The following ZCCHC24 variants were observed in gnomAD, a reference collection of about 807,000 sequenced individuals.
The protein encoded by ZCCHC24 is zinc finger CCHC domain-containing protein 24.
A neutral mutation model predicts 26.2 loss-of-function variants in ZCCHC24; 10 were observed. The ratio of observed to expected loss-of-function variants is 0.38; its 90% CI spans 0.24 to 0.65. The LOEUF is 0.65. Among genes scored for constraint, ZCCHC24 ranks in the 30% least tolerant of loss-of-function variants. ZCCHC24 has a pLI of 0.54. For missense variants in ZCCHC24, 243 were observed against 329.1 expected, an observed-to-expected ratio of 0.74 and a Z score of 2.03; for synonymous variants, 144 against 147.1, an observed-to-expected ratio of 0.98 and a Z score of 0.15.
At chr10:79,404,722 C>T (rs1289745268) in intron 2 of ZCCHC24, among the ~76,000 whole-genome samples, 1 of 152,190 alleles carries the variant, frequency 6.6e-6, no homozygotes, top group Non-Finnish European at 1.5e-5. Context: ...GCAGAATCTC[C>T]CCAAATACTT....
intron 3 of ZCCHC24, among the ~76,000 whole-genome samples, chr10:79,390,956 C>G (rs541872620): frequency 3.5e-4 from 53 of 152,176 alleles, no homozygotes; most frequent in Non-Finnish European, 6.5e-4. Flanking sequence ...CAAAGGCTCC[C>G]GACAGCTGGG....
intron 1 of ZCCHC24, among the ~76,000 whole-genome samples, chr10:79,442,598 A>G (rs1367440895): frequency 6.6e-6 from 1 of 152,196 alleles, no homozygotes; most frequent in Non-Finnish European, 1.5e-5. Context: ...CATGCAAGTC[A>G]CATCCGCAGG....
intron 2 of ZCCHC24, among the ~76,000 whole-genome samples, chr10:79,414,324 T>C (rs1213894601): frequency 2.0e-5 from 3 of 152,258 alleles, no homozygotes; most frequent in African/African-American, 7.2e-5. Context: ...ATCTTCATTT[T>C]AGAGAAGAAT....
intron 2 of ZCCHC24, among the ~76,000 whole-genome samples, chr10:79,419,938 A>C (rs1004076695): frequency 3.3e-5 from 5 of 151,970 alleles, no homozygotes; most frequent in African/African-American, 4.8e-5. Flanking sequence ...ATTCTTCTAA[A>C]AGCAGAACTG....
intron 2 of ZCCHC24, among the ~76,000 whole-genome samples, chr10:79,431,705 C>T (rs1343908431): frequency 6.6e-6 from 1 of 152,172 alleles, no homozygotes; most frequent in African/African-American, 2.4e-5. Flanking sequence ...GAGGGGAACA[C>T]TACATGCATT....
At chr10:79,414,174 GGCCAACT>G (rs1481857198) in intron 2 of ZCCHC24, among the ~76,000 whole-genome samples, 1 of 152,214 alleles carries the variant, frequency 6.6e-6, no homozygotes, top group East Asian at 1.9e-4. Context: ...AAGCCTTGGC[GGCCAACT>G]GCCCAGATGG....
At chr10:79,386,574 G>C in intron 3 of ZCCHC24, 116 bp from the exon 4 acceptor site, 3 of 741,484 alleles carry the variant, frequency 4.0e-6, no homozygotes, top group Admixed American at 5.5e-5. Flanking sequence ...ACACAGGGAG[G>C]GGACCAGACA....
At position 79,383,222 on chromosome 10, in the gene ZCCHC24, A is replaced by T. The variant is rs1856345678; in HGVS notation, c.*3123T>A. On this transcript the variant is annotated 3_prime_UTR_variant, in exon 4 of 4. Transcript: ENST00000372336. ...ATTAATAAGTCTAAACACTTGAATAATATGCTGTCTACTTAATACTGATAT... is the reference window on the plus strand; with the variant it reads ...ATTAATAAGTCTAAACACTTGAATATTATGCTGTCTACTTAATACTGATAT... The T allele has an allele frequency of 6.5e-6, 1 of 152,796 alleles. No individual in the cohort carries two copies. Among genetic ancestry groups the T allele is most frequent in the Non-Finnish European group, 1.5e-5 (1 of 68,042 alleles). The allele number at this position is 152,796 out of a possible 1,614,324, so 9.5% of individuals were successfully genotyped here.
chr10:79,405,981 A>G (rs10740505), intron 2 of ZCCHC24, among the ~76,000 whole-genome samples: 127,284 of 152,240 alleles, frequency 0.84, 53,291 homozygotes, highest in East Asian at 0.92. Flanking sequence ...TCTCTCTGGG[A>G]TTCGATCTCC....
chr10:79,388,542 G>A (rs1238567252), intron 3 of ZCCHC24, among the ~76,000 whole-genome samples: 1 of 152,168 alleles, frequency 6.6e-6, no homozygotes, highest in Non-Finnish European at 1.5e-5. Context: ...GACTCTGCTT[G>A]GCTCCCAAAG....
intron 3 of ZCCHC24, among the ~76,000 whole-genome samples, chr10:79,393,028 C>G (rs1267959396): frequency 6.6e-6 from 1 of 152,186 alleles, no homozygotes; most frequent in Non-Finnish European, 1.5e-5. Context: ...CTCCACACCC[C>G]CTGGTTCTCC....
rs1242189062 is a variant in ZCCHC24, at chr10:79,384,754, G to C, written c.*1591C>G. 1 of 152,538 alleles carries C rather than the reference G, an allele frequency of 6.6e-6. No individual in the cohort carries two copies. The highest frequency in any genetic ancestry group is 1.5e-5 in the Non-Finnish European group (1 of 68,048). 9.4% of individuals were successfully genotyped at this position (152,538 alleles called of 1,614,324 possible). ...TTCATTTGAATACAAAAGGCAACTG[G>C]ACACCAGATGGGCATCCTTGAGCCA... On this transcript the variant is annotated 3_prime_UTR_variant, in exon 4 of 4. Coordinates refer to ENST00000372336, the MANE Select transcript of ZCCHC24 (RefSeq NM_153367.4).
intron 2 of ZCCHC24, among the ~76,000 whole-genome samples, chr10:79,418,658 C>T (rs903869679): frequency 7.2e-5 from 11 of 152,212 alleles, no homozygotes; most frequent in Non-Finnish European, 1.3e-4. Context: ...AGAGGTCAAA[C>T]GGCCCAGGCT....
In ZCCHC24 at chr10:79,386,335, G is replaced by A. The variant is rs74319619; in HGVS notation, c.*10C>T. 0.028 allele frequency: 45,256 copies of A among 1,610,842 alleles called. 1,069 individuals carry two copies. The highest frequency in any genetic ancestry group is 0.1 in the East Asian group (4,693 of 44,768). ...GCGGGGGGTGGCTCTGGGTGCGGGC[G>A]GGCAGCCCGTCACTGCACGCGACGG... On this transcript the variant is annotated 3_prime_UTR_variant, in exon 4 of 4. Transcript: ENST00000372336.
At chr10:79,407,919 G>A (rs1179222326) in intron 2 of ZCCHC24, among the ~76,000 whole-genome samples, 1 of 152,148 alleles carries the variant, frequency 6.6e-6, no homozygotes. Flanking sequence ...ACTGGGGAGG[G>A]CTGGCCTGGC....
At chr10:79,416,193 T>A (rs1856857337) in intron 2 of ZCCHC24, among the ~76,000 whole-genome samples, 1 of 152,224 alleles carries the variant, frequency 6.6e-6, no homozygotes, top group East Asian at 1.9e-4. Flanking sequence ...TCATAAGACC[T>A]ACACGGCAGC....
At chr10:79,412,586 G>A (rs1221434028) in intron 2 of ZCCHC24, among the ~76,000 whole-genome samples, 1 of 152,224 alleles carries the variant, frequency 6.6e-6, no homozygotes, top group Non-Finnish European at 1.5e-5. Context: ...GCAACCACTA[G>A]CATCTCTTCT....
intron 1 of ZCCHC24, among the ~76,000 whole-genome samples, chr10:79,434,794 A>G (rs1857191302): frequency 6.6e-6 from 1 of 152,242 alleles, no homozygotes; most frequent in South Asian, 2.1e-4. Flanking sequence ...GAGTGGCATT[A>G]AGAGCATTCA....
In ZCCHC24 at chr10:79,391,243, C is replaced by T. The variant is rs564229270; in HGVS notation, c.612+3033G>A. ...TAGATTGGGTCCTGGGAGAGCTGAT[C>T]CTGAATGTGGAGATGGGGGACAGGT... On this transcript the variant is annotated intron_variant, in intron 3 of 3. Transcript: ENST00000372336. 1.4e-3 allele frequency among the ~76,000 whole-genome samples: 218 copies of T among 152,214 alleles called. 2 individuals carry two copies. The highest frequency in any genetic ancestry group is 9.4e-3 in the South Asian group (45 of 4,810).
Sources: allele counts gnomAD v4.1 joint callset (sites outside exome capture counted in the v4.1 genomes callset), GRCh38; gene constraint gnomAD v4.1.1; transcripts MANE v1.5; gene names NCBI Gene and HGNC (gene_info 2026-07-23, HGNC 2026-07-21).